The following CPNE4 variants were observed in gnomAD, a reference collection of about 807,000 sequenced individuals.
CPNE4 encodes the protein copine-4.
A neutral mutation model predicts 67.9 loss-of-function variants in CPNE4; 25 were observed. That is an observed-to-expected ratio of 0.37 (90% CI 0.27 to 0.51). The LOEUF (loss-of-function observed/expected upper bound fraction) is 0.51, where lower values mean the gene tolerates loss of function less well. CPNE4 is among the 20% of genes least tolerant of loss of function. The pLI, the probability that CPNE4 is intolerant of heterozygous loss-of-function variation, is 0.93. For synonymous variants in CPNE4, 242 were observed against 244.9 expected (o/e 0.99, Z 0.11); for missense variants, 464 against 690.8 (o/e 0.67, Z 3.68).
intron 2 of CPNE4, among the ~76,000 whole-genome samples, chr3:131,832,002 T>C (rs2085389970): frequency 6.6e-6 from 1 of 152,050 alleles, no homozygotes; most frequent in Non-Finnish European, 1.5e-5. Flanking sequence ...GTCAAAAAGA[T>C]TCTTAGCTTT....
chr3:131,598,897 C>G (rs956196007), intron 7 of CPNE4, among the ~76,000 whole-genome samples: 2 of 139,510 alleles, frequency 1.4e-5, no homozygotes, highest in Non-Finnish European at 3.0e-5. Context: ...GGAGGAGGAG[C>G]CTCGCTGGGT....
intron 2 of CPNE4, among the ~76,000 whole-genome samples, chr3:131,856,338 T>A (rs934363987): frequency 4.6e-5 from 7 of 152,004 alleles, no homozygotes; most frequent in African/African-American, 1.7e-4. Flanking sequence ...TGCCTCAGCC[T>A]CCCAAAGTGC....
At chr3:131,635,877 C>G (rs1191768948) in intron 7 of CPNE4, among the ~76,000 whole-genome samples, 1 of 84,792 alleles carries the variant, frequency 1.2e-5, no homozygotes, top group South Asian at 3.2e-4. Flanking sequence ...GTCAGGAGAT[C>G]GAGACCATCC....
At chr3:131,952,260 G>A (rs1253499133) in intron 1 of CPNE4, among the ~76,000 whole-genome samples, 5 of 151,236 alleles carry the variant, frequency 3.3e-5, no homozygotes, top group East Asian at 2.0e-4. Flanking sequence ...CCGCGAACCC[G>A]TATGGGAGGT....
chr3:131,598,197 G>A (rs1246220716), intron 7 of CPNE4, among the ~76,000 whole-genome samples: 2 of 152,152 alleles, frequency 1.3e-5, no homozygotes, highest in African/African-American at 2.4e-5. Context: ...AAGCTCTCAG[G>A]ATAATGCTGT....
At chr3:131,820,097 A>AATTT (rs770722365) in intron 2 of CPNE4, among the ~76,000 whole-genome samples, 20 of 152,198 alleles carry the variant, frequency 1.3e-4, no homozygotes, top group Non-Finnish European at 2.5e-4. Context: ...TCTATCTCAG[A>AATTT]ATTTTCCTAA....
In CPNE4 at chr3:131,792,605, G is replaced by GTGTGTGTGTATA. The variant is rs1246932703; in HGVS notation, c.181-68981_181-68980insTATACACACACA. Among the ~76,000 whole-genome samples, 32 of 84,428 alleles carry GTGTGTGTGTATA rather than the reference G, an allele frequency of 3.8e-4. No homozygotes were observed. The East Asian group carries it at 4.8e-3, about 13-fold the overall frequency. The allele number at this position is 84,428 out of a possible 152,430, so 55.4% of individuals were successfully genotyped here. A position where few individuals can be genotyped will look rare whatever the true frequency, so the allele number is the denominator to read the frequency against. Reference sequence around the variant, plus strand: ...CTCATACATATATATATGTATATGTGTGTGTGTATATATGTATATATATAT... The same window carrying GTGTGTGTGTATA: ...CTCATACATATATATATGTATATGTGTGTGTGTGTATATGTGTGTATATATGTATATATATAT... On this transcript the variant is annotated intron_variant, in intron 2 of 15. Coordinates refer to ENST00000429747, the MANE Select transcript of CPNE4 (RefSeq NM_130808.3).
chr3:132,022,431 C>T (rs1263016606), intron 1 of CPNE4, among the ~76,000 whole-genome samples: 1 of 152,124 alleles, frequency 6.6e-6, no homozygotes. Context: ...GAGGTGGCCC[C>T]TCATGGGACA....
chr3:131,670,393 G>A (rs923488761), intron 6 of CPNE4, among the ~76,000 whole-genome samples: 4 of 152,144 alleles, frequency 2.6e-5, no homozygotes, highest in African/African-American at 9.7e-5. Flanking sequence ...CTATAACATA[G>A]GAAAACCCTT....
At chr3:131,861,736 G>C (rs1225714016) in intron 2 of CPNE4, among the ~76,000 whole-genome samples, 4 of 151,282 alleles carry the variant, frequency 2.6e-5, no homozygotes, top group Admixed American at 2.6e-4. Flanking sequence ...CCCGGCCTAG[G>C]ATATCTCATC....
intron 1 of CPNE4, among the ~76,000 whole-genome samples, chr3:132,024,372 T>C (rs1040410034): frequency 6.6e-6 from 1 of 152,092 alleles, no homozygotes; most frequent in Non-Finnish European, 1.5e-5. Flanking sequence ...GTGTGAGCCA[T>C]TGCGCCCAGC....
intron 1 of CPNE4, among the ~76,000 whole-genome samples, chr3:131,918,051 G>A (rs905579651): frequency 8.5e-5 from 13 of 152,112 alleles, no homozygotes; most frequent in Admixed American, 5.9e-4. Flanking sequence ...CCCATAATAC[G>A]ATCAAATTTA....
intron 7 of CPNE4, among the ~76,000 whole-genome samples, chr3:131,649,020 GT>G (rs2079739758): frequency 6.6e-6 from 1 of 152,182 alleles, no homozygotes; most frequent in Non-Finnish European, 1.5e-5. Flanking sequence ...ATGTCCCTGG[GT>G]TTGGTTAGTA....
chr3:131,975,855 T>G (rs2072635747), intron 1 of CPNE4, among the ~76,000 whole-genome samples: 1 of 152,052 alleles, frequency 6.6e-6, no homozygotes, highest in Non-Finnish European at 1.5e-5. Flanking sequence ...GGAAATGACA[T>G]GCAAATAAGG....
chr3:132,014,275 G>T (rs921251043), intron 1 of CPNE4, among the ~76,000 whole-genome samples: 1 of 152,088 alleles, frequency 6.6e-6, no homozygotes, highest in Non-Finnish European at 1.5e-5. Flanking sequence ...TCCCTAAGGG[G>T]ACATGGGTAG....
intron 1 of CPNE4, among the ~76,000 whole-genome samples, chr3:131,965,821 C>T (rs2072326849): frequency 6.6e-6 from 1 of 152,108 alleles, no homozygotes; most frequent in Non-Finnish European, 1.5e-5. Context: ...ATAAATGAGA[C>T]AGAAAATTAA....
chr3:131,690,373 A>G (rs1419982925), intron 5 of CPNE4, among the ~76,000 whole-genome samples: 1 of 152,224 alleles, frequency 6.6e-6, no homozygotes, highest in African/African-American at 2.4e-5. Context: ...TAGAGAATCC[A>G]GAAATAAAGC....
intron 2 of CPNE4, among the ~76,000 whole-genome samples, chr3:131,857,757 ACCTCC>A (rs2086508604): frequency 1.3e-5 from 2 of 151,886 alleles, no homozygotes; most frequent in South Asian, 4.1e-4. Context: ...ATGCCTCTCT[ACCTCC>A]CATCCTTTCT....
intron 2 of CPNE4, among the ~76,000 whole-genome samples, chr3:131,882,780 G>T (rs569322779): frequency 2.7e-5 from 4 of 147,770 alleles, no homozygotes; most frequent in Non-Finnish European, 5.9e-5. Flanking sequence ...GCAGTGGCAC[G>T]ATCTCAGCTC....
Sources: allele counts gnomAD v4.1 joint callset (sites outside exome capture counted in the v4.1 genomes callset), GRCh38; gene constraint gnomAD v4.1.1; transcripts MANE v1.5; gene names NCBI Gene and HGNC (gene_info 2026-07-23, HGNC 2026-07-21).